The following GLB1L3 variants were observed in gnomAD, a reference collection of about 807,000 sequenced individuals.
GLB1L3 encodes galactosidase beta 1 like 3, also known as beta-galactosidase-1-like protein 3.
GLB1L3 carries 89 observed loss-of-function variants against 89.5 expected under a neutral mutation model. That is an observed-to-expected ratio of 0.99 (90% CI 0.84 to 1.19). The LOEUF (loss-of-function observed/expected upper bound fraction) is 1.19, where lower values mean the gene tolerates loss of function less well. GLB1L3 is among the 50% of genes most tolerant of loss of function. The pLI, the probability that GLB1L3 is intolerant of heterozygous loss-of-function variation, is 0.00. For missense variants in GLB1L3, 812 were observed against 813.3 expected (o/e 1.00, Z 0.02); for synonymous variants, 314 against 312.3 (o/e 1.01, Z -0.06).
downstream of GLB1L3, among the ~76,000 whole-genome samples, chr11:134,320,499 A>G (rs1376477854): frequency 6.6e-6 from 1 of 152,144 alleles, no homozygotes; most frequent in Non-Finnish European, 1.5e-5. Context: ...CTTAACAACA[A>G]CCATGCAACA....
chr11:134,312,894 A>G lies in GLB1L3; in HGVS notation c.1500+7A>G. On this transcript the variant is annotated splice_region_variant and intron_variant, in intron 15 of 19. Transcript: ENST00000431683. ...GCACATTCCTGAACTCAGGGTATGT[A>G]ATTTGAGAGTCCAGGTGATGCCCTC... 6.3e-7 allele frequency: 1 copy of G among 1,586,074 alleles called. No homozygotes were observed. Among genetic ancestry groups the G allele is most frequent in the South Asian group, 1.1e-5 (1 of 89,056 alleles).
At chr11:134,289,149 G>A (rs923315455) in intron 7 of GLB1L3, 49 of 388,610 alleles carry the variant, frequency 1.3e-4, no homozygotes, top group African/African-American at 8.5e-4. Context: ...GATTAATGCA[G>A]GTTTTGTATA....
downstream of GLB1L3, among the ~76,000 whole-genome samples, chr11:134,323,459 C>T (rs1269510478): frequency 6.6e-6 from 1 of 151,926 alleles, no homozygotes; most frequent in Non-Finnish European, 1.5e-5. Context: ...CATGTAATCC[C>T]AGCTACTTGG....
At chr11:134,313,808 A>C in intron 16 of GLB1L3, 133 bp from the exon 17 acceptor site, 2 of 679,194 alleles carry the variant, frequency 2.9e-6, no homozygotes, top group South Asian at 3.4e-5. Context: ...ACAGCAGGTC[A>C]GACAAATGTT....
chr11:134,302,778 G>A (rs553537239), intron 9 of GLB1L3, among the ~76,000 whole-genome samples: 129 of 152,278 alleles, frequency 8.5e-4, no homozygotes, highest in Middle Eastern at 6.8e-3. Flanking sequence ...AATGCCCTGT[G>A]TGTTTGTAAT....
At chr11:134,325,188 A>G in the GLB1L3 span, among the ~76,000 whole-genome samples, 1 of 152,196 alleles carries the variant, frequency 6.6e-6, no homozygotes, top group Non-Finnish European at 1.5e-5. Flanking sequence ...ACCTGCTGAT[A>G]ACATTTTAAT....
In GLB1L3 at chr11:134,314,004, A is replaced by G; in HGVS notation, c.1643A>G (p.Glu548Gly). 1 of 1,612,164 alleles carries G rather than the reference A, an allele frequency of 6.2e-7. No individual in the cohort carries two copies. Among genetic ancestry groups the G allele is most frequent in the Non-Finnish European group, 8.5e-7 (1 of 1,178,632 alleles). Reference sequence around the variant, plus strand: ...GAGGGCTTTACCATCTATTCCCTGGAGATGAAAATGAGCTTCTTTGAGAGG... The same window carrying G: ...GAGGGCTTTACCATCTATTCCCTGGGGATGAAAATGAGCTTCTTTGAGAGG... ...SLEGFTIYSL[E>G]MKMSFFERLR... The change falls in exon 17 of 20, where the codon GAG becomes GGG. Residue 548 changes from glutamate to glycine, a missense_variant. Physicochemically the swap from Glu to Gly is moderately conservative, Grantham distance 98. Transcript: ENST00000431683.
At chr11:134,278,056 C>A in intron 3 of GLB1L3, 144 bp downstream of exon 3, 1 of 759,998 alleles carries the variant, frequency 1.3e-6, no homozygotes. Context: ...AATGCTTAAG[C>A]GTCCAGCTGT....
chr11:134,302,952 A>G (rs148938577), intron 9 of GLB1L3, among the ~76,000 whole-genome samples: 23 of 152,304 alleles, frequency 1.5e-4, no homozygotes, highest in South Asian at 6.2e-4. Context: ...AGATTTGCAT[A>G]TTTCTACCAG....
At chr11:134,279,064 ATT>A (rs943013732) in intron 3 of GLB1L3, among the ~76,000 whole-genome samples, 1 of 152,168 alleles carries the variant, frequency 6.6e-6, no homozygotes, top group African/African-American at 2.4e-5. Context: ...TTAAAATTTT[ATT>A]TTGTTAGTAT....
chr11:134,307,240 G>T, intron 10 of GLB1L3, 32 bp downstream of exon 10: 1 of 1,500,236 alleles, frequency 6.7e-7, no homozygotes, highest in Non-Finnish European at 9.3e-7. Context: ...ACTCCAGGAA[G>T]AGATGGCCCC....
chr11:134,314,058 T>C lies in GLB1L3; in HGVS notation c.1667+30T>C, dbSNP rs747107983. The C allele has an allele frequency of 7.9e-6, 11 of 1,401,000 alleles. No homozygotes were observed. The South Asian group carries it at 1.2e-4, about 15-fold the overall frequency. The allele number at this position is 1,401,000 out of a possible 1,614,324, so 86.8% of individuals were successfully genotyped here. On this transcript the variant is annotated intron_variant, in intron 17 of 19. Coordinates refer to ENST00000431683, the MANE Select transcript of GLB1L3 (RefSeq NM_001080407.3). Reference sequence around the variant, plus strand: ...GCTCCAGCTGGCCCCCAGTGCACACTTCAGTGATCGGGGAACTCAGAGATT... The same window carrying C: ...GCTCCAGCTGGCCCCCAGTGCACACCTCAGTGATCGGGGAACTCAGAGATT...
At chr11:134,290,291 G>A (rs1407796009) in intron 7 of GLB1L3, among the ~76,000 whole-genome samples, 2 of 151,988 alleles carry the variant, frequency 1.3e-5, no homozygotes, top group Non-Finnish European at 2.9e-5. Context: ...AAAATTTACC[G>A]GCTGTGCTCA....
At chr11:134,321,000 T>C (rs1943160468), downstream of GLB1L3, among the ~76,000 whole-genome samples, 1 of 152,168 alleles carries the variant, frequency 6.6e-6, no homozygotes, top group Non-Finnish European at 1.5e-5. Context: ...TGAGAAGAAA[T>C]TTCTAAAAGA....
At chr11:134,288,955 C>T (rs1941183376) in intron 7 of GLB1L3, 65 bp downstream of exon 7, 1 of 1,127,126 alleles carries the variant, frequency 8.9e-7, no homozygotes, top group Non-Finnish European at 1.3e-6. Context: ...GTTTCTGATT[C>T]CTGGATGCAT....
At position 134,283,757 on chromosome 11, in the gene GLB1L3, G is replaced by A. The variant is rs550517910; in HGVS notation, c.548G>A (p.Arg183Gln). The change falls in exon 6 of 20, where the codon CGG becomes CAG. Residue 183 changes from arginine to glutamine, a missense_variant. Transcript: ENST00000431683. ...CCCAGCTGGCTCCTGCAAGACCCCC[G>A]GTTACTGTTGAGGACAACCAACAAG... ...GLPSWLLQDP[R>Q]LLLRTTNKSF... 59 of 1,612,046 alleles carry A rather than the reference G, an allele frequency of 3.7e-5. No homozygotes were observed. The East Asian group carries it at 4.0e-4, about 11-fold the overall frequency.
chr11:134,312,349 C>A lies in GLB1L3; in HGVS notation c.1288C>A (p.Pro430Thr), dbSNP rs367707764. The change falls in exon 14 of 20, where the codon CCA becomes ACA. Residue 430 changes from proline (P) to threonine (T), a missense_variant and splice_region_variant. By Grantham distance (38) the Pro-to-Thr change is conservative. Around this residue, in one of 3 missense-constraint regions of GLB1L3, gnomAD observed 618 missense variants for 604.0 expected, o/e 1.02. Transcript: ENST00000431683. The stretch of plus-strand genomic sequence containing the variant: ...CTGCTCTTGCCATTTCTCCTCATAG[C>A]CAGTCAGGTCGCGTCAGCCCGTCAA... The part of the protein sequence containing the change: ...LWDALSYLNE[P>T]VRSRQPVNME... The A allele has an allele frequency of 1.4e-5, 23 of 1,613,308 alleles. No individual in the cohort carries two copies. Among genetic ancestry groups the A allele is most frequent in the Non-Finnish European group, 2.5e-6 (3 of 1,179,740 alleles).
intron 13 of GLB1L3, chr11:134,311,989 G>T (rs750591221): frequency 5.8e-6 from 1 of 172,670 alleles, no homozygotes; most frequent in Non-Finnish European, 1.2e-5. Context: ...GTAGATGTGG[G>T]TCTCACTATG....
At chr11:134,295,910 A>G (rs957493974) in intron 9 of GLB1L3, among the ~76,000 whole-genome samples, 9 of 152,104 alleles carry the variant, frequency 5.9e-5, no homozygotes, top group African/African-American at 1.4e-4. Flanking sequence ...TTTGAATCTT[A>G]GGGGATTTTC....
Sources: allele counts gnomAD v4.1 joint callset (sites outside exome capture counted in the v4.1 genomes callset), GRCh38; gene constraint gnomAD v4.1.1; regional missense constraint gnomAD v4.1.1; transcripts MANE v1.5; gene names NCBI Gene and HGNC (gene_info 2026-07-23, HGNC 2026-07-21).